Variants in PCTP observed in about 807,000 individuals in gnomAD.
The protein encoded by PCTP is phosphatidylcholine transfer protein.
A neutral mutation model predicts 31.0 loss-of-function variants in PCTP; 27 were observed. That is an observed-to-expected ratio of 0.87 (90% CI 0.64 to 1.20). The LOEUF is 1.20. Among genes scored for constraint, PCTP ranks in the 50% most tolerant of loss-of-function variants. PCTP has a pLI of 0.00. For synonymous variants in PCTP, 108 were observed against 101.2 expected, an observed-to-expected ratio of 1.07 and a Z score of -0.40; for missense variants, 287 against 268.2, an observed-to-expected ratio of 1.07 and a Z score of -0.49.
At chr17:55,773,363 C>CT (rs141049990) in intron 3 of PCTP, among the ~76,000 whole-genome samples, 61 of 152,318 alleles carry the variant, frequency 4.0e-4, no homozygotes, top group African/African-American at 1.4e-3. Flanking sequence ...CATAGGGAAT[C>CT]TGAGTCTCAG....
At chr17:55,846,472 G>A (rs1413592207), downstream of PCTP, among the ~76,000 whole-genome samples, 1 of 152,158 alleles carries the variant, frequency 6.6e-6, no homozygotes, top group Non-Finnish European at 1.5e-5. Context: ...AAAGTAAAGG[G>A]TAAGATAAAG....
exon 4 of PCTP, chr17:55,822,996 G>A (rs183972843): frequency 4.5e-4 from 185 of 408,638 alleles, no homozygotes; most frequent in Admixed American, 2.3e-3. Flanking sequence ...CAGTATTTTC[G>A]CAGATGTGAA....
intron 1 of PCTP, among the ~76,000 whole-genome samples, chr17:55,763,551 G>A (rs1910459292): frequency 6.6e-6 from 1 of 151,798 alleles, no homozygotes; most frequent in Non-Finnish European, 1.5e-5. Flanking sequence ...GAGAATAATT[G>A]AGTTAGGTAT....
chr17:55,845,065 C>A (rs1598027732), downstream of PCTP, among the ~76,000 whole-genome samples: 1 of 97,346 alleles, frequency 1.0e-5, no homozygotes, highest in Admixed American at 1.6e-4. Flanking sequence ...CCAGCCTGGG[C>A]AACAAGGCCA....
At chr17:55,803,539 C>T (rs1392986730) in intron 3 of PCTP, among the ~76,000 whole-genome samples, 1 of 152,032 alleles carries the variant, frequency 6.6e-6, no homozygotes, top group Non-Finnish European at 1.5e-5. Context: ...AGAACAGAGG[C>T]CTCAGAAATA....
rs1265217127 is a variant in PCTP at position 55,774,751 on chromosome 17, A to G, written c.512-41A>G. 1.7e-5 allele frequency: 26 copies of G among 1,506,016 alleles called. 1 individual carries two copies. Among genetic ancestry groups the G allele is most frequent in the Non-Finnish European group, 2.4e-5 (26 of 1,084,824 alleles). The allele number at this position is 1,506,016 out of a possible 1,614,324, so 93.3% of individuals were successfully genotyped here. A position where few individuals can be genotyped will look rare whatever the true frequency, so the allele number is the denominator to read the frequency against. On this transcript the variant is annotated intron_variant, in intron 4 of 5. Coordinates refer to ENST00000268896, the MANE Select transcript of PCTP (RefSeq NM_021213.4). ...AGTTTTGTTGCTATATTTTTCTGGT[A>G]TTTTTCCTTTTTCTGAATTGTCCTT... is the stretch of plus-strand genomic sequence containing the variant.
At chr17:55,807,833 T>G (rs1304018278) in intron 3 of PCTP, among the ~76,000 whole-genome samples, 1 of 152,184 alleles carries the variant, frequency 6.6e-6, no homozygotes, top group Non-Finnish European at 1.5e-5. Flanking sequence ...CTATTACATT[T>G]GAAAATTATA....
chr17:55,805,597 T>C (rs929231940), intron 3 of PCTP, among the ~76,000 whole-genome samples: 1 of 151,964 alleles, frequency 6.6e-6, no homozygotes, highest in African/African-American at 2.4e-5. Context: ...TATGTATATA[T>C]ATACATATAT....
intron 2 of PCTP, among the ~76,000 whole-genome samples, 171 bp downstream of exon 2, chr17:55,767,623 C>A (rs1271029956): frequency 2.0e-5 from 3 of 152,062 alleles, no homozygotes; most frequent in Non-Finnish European, 4.4e-5. Flanking sequence ...CGCCACCACA[C>A]CTGGCTAATT....
chr17:55,772,481 G>A (rs1021363409), intron 3 of PCTP, among the ~76,000 whole-genome samples: 1 of 151,704 alleles, frequency 6.6e-6, no homozygotes, highest in Non-Finnish European at 1.5e-5. Context: ...CAGCTACTCC[G>A]GAGGCTGAGG....
At chr17:55,834,120 C>T (rs1480238630) in intron 5 of PCTP, among the ~76,000 whole-genome samples, 7 of 152,154 alleles carry the variant, frequency 4.6e-5, no homozygotes, top group Non-Finnish European at 1.0e-4. Context: ...CTAGAATGCC[C>T]ACAGCACCCC....
At chr17:55,778,359 T>G (rs1445596110), downstream of PCTP, among the ~76,000 whole-genome samples, 2 of 152,226 alleles carry the variant, frequency 1.3e-5, no homozygotes, top group Non-Finnish European at 2.9e-5. Flanking sequence ...CACTTTGTTT[T>G]ACTTATTTTT....
At chr17:55,781,699 G>A (rs1434892435), downstream of PCTP, among the ~76,000 whole-genome samples, 1 of 152,168 alleles carries the variant, frequency 6.6e-6, no homozygotes, top group African/African-American at 2.4e-5. Context: ...ACCTTTTTAA[G>A]CTACACTAAT....
At chr17:55,811,221 A>C (rs988416633) in intron 3 of PCTP, among the ~76,000 whole-genome samples, 5 of 152,260 alleles carry the variant, frequency 3.3e-5, no homozygotes, top group Admixed American at 1.3e-4. Context: ...TCCTCCAAAT[A>C]GAATATAAAC....
chr17:55,834,009 C>T (rs1280812293), intron 5 of PCTP, among the ~76,000 whole-genome samples: 3 of 152,052 alleles, frequency 2.0e-5, no homozygotes, highest in East Asian at 3.9e-4. Flanking sequence ...GACTGACTTA[C>T]AAAAATGTAG....
At chr17:55,772,460 G>A (rs576867560) in intron 3 of PCTP, among the ~76,000 whole-genome samples, 61 of 151,742 alleles carry the variant, frequency 4.0e-4, no homozygotes, top group Non-Finnish European at 7.8e-4. Flanking sequence ...TGTGGTGGGC[G>A]CCTGCAATCC....
chr17:55,823,989 T>C (rs1905313852), downstream of PCTP, among the ~76,000 whole-genome samples: 1 of 152,218 alleles, frequency 6.6e-6, no homozygotes, highest in Middle Eastern at 3.2e-3. Context: ...TCTGAGGGAC[T>C]CCCACACTCC....
chr17:55,753,945 G>T (rs1909854022), intron 1 of PCTP, among the ~76,000 whole-genome samples: 1 of 152,166 alleles, frequency 6.6e-6, no homozygotes. Context: ...GTCTTAGGAG[G>T]GTGAGTCCTC....
intron 4 of PCTP, among the ~76,000 whole-genome samples, chr17:55,774,322 C>A (rs1026216064): frequency 6.6e-6 from 1 of 152,162 alleles, no homozygotes; most frequent in Non-Finnish European, 1.5e-5. Flanking sequence ...TGAGTTTCAG[C>A]CCCCAGGGAG....
Sources: gnomAD v4.1 joint callset for allele counts (sites outside exome capture counted in the v4.1 genomes callset) on GRCh38, gnomAD v4.1.1 for gene constraint, MANE v1.5 for transcripts, NCBI Gene and HGNC (gene_info 2026-07-23, HGNC 2026-07-21) for gene names.